The following PRKCB variants were observed in gnomAD, a reference collection of about 807,000 sequenced individuals.
The protein encoded by PRKCB is protein kinase C beta.
In PRKCB, 13 loss-of-function variants were observed where a neutral mutation model predicts 81.5. The observed-to-expected ratio is 0.16, with a 90% CI of 0.10 to 0.25. PRKCB has a LOEUF of 0.25. Among genes scored for constraint, PRKCB ranks in the 10% least tolerant of loss-of-function variants. The pLI is 1.00. For synonymous variants in PRKCB, 335 were observed against 321.4 expected, an observed-to-expected ratio of 1.04 and a Z score of -0.45; for missense variants, 509 against 875.7, an observed-to-expected ratio of 0.58 and a Z score of 5.29.
At chr16:24,174,458 T>C in intron 11 of PRKCB, 60 bp from the exon 12 acceptor site, 2 of 1,466,290 alleles carry the variant, frequency 1.4e-6, no homozygotes, top group Non-Finnish European at 1.9e-6. Flanking sequence ...ATTCTGAGCA[T>C]TGCCAAGCAT....
chr16:24,047,135 G>A (rs568475966), intron 5 of PRKCB, among the ~76,000 whole-genome samples: 3 of 151,936 alleles, frequency 2.0e-5, no homozygotes, highest in Admixed American at 6.6e-5. Context: ...TCAGGCGTTC[G>A]AGACCAGCCT....
chr16:24,076,250 A>T (rs1406010121), intron 5 of PRKCB, among the ~76,000 whole-genome samples: 1 of 152,192 alleles, frequency 6.6e-6, no homozygotes, highest in East Asian at 1.9e-4. Context: ...GTTAAGCCCA[A>T]TTGGGATTTG....
chr16:23,928,919 A>T (rs905006891), intron 2 of PRKCB, among the ~76,000 whole-genome samples: 3 of 151,904 alleles, frequency 2.0e-5, no homozygotes, highest in Non-Finnish European at 4.4e-5. Flanking sequence ...GGGTTTTGCC[A>T]TGTTGGCCAG....
chr16:23,969,256 G>A (rs940806798), intron 2 of PRKCB, among the ~76,000 whole-genome samples: 4 of 152,186 alleles, frequency 2.6e-5, no homozygotes, highest in African/African-American at 9.7e-5. Context: ...GGAGTTTAAA[G>A]TGAATGTGTA....
chr16:23,883,764 A>G (rs1240878133), intron 2 of PRKCB, among the ~76,000 whole-genome samples: 3 of 152,168 alleles, frequency 2.0e-5, no homozygotes, highest in African/African-American at 7.2e-5. Context: ...GGCACCTGGT[A>G]CACTTTACAT....
At chr16:24,180,695 A>G in intron 12 of PRKCB, 95 bp from the exon 13 acceptor site, 1 of 1,454,878 alleles carries the variant, frequency 6.9e-7, no homozygotes, top group Non-Finnish European at 9.5e-7. Context: ...CCCACACAAC[A>G]CCTAACACAG....
At chr16:24,089,789 T>TCTCACACACACA (rs71381638) in intron 5 of PRKCB, among the ~76,000 whole-genome samples, 1 of 149,882 alleles carries the variant, frequency 6.7e-6, no homozygotes, top group African/African-American at 2.5e-5. Flanking sequence ...TCTCTCTCTC[T>TCTCACACACACA]CACACACACA....
chr16:23,847,551 A>ATCCATCCATCCAT (rs1567288458), intron 2 of PRKCB, among the ~76,000 whole-genome samples: 2 of 68,308 alleles, frequency 2.9e-5, no homozygotes, highest in South Asian at 3.7e-4. Context: ...CATCCATCCA[A>ATCCATCCATCCAT]CCATCCATCC....
At chr16:23,962,014 T>C (rs1964432124) in intron 2 of PRKCB, among the ~76,000 whole-genome samples, 1 of 152,100 alleles carries the variant, frequency 6.6e-6, no homozygotes, top group Non-Finnish European at 1.5e-5. Flanking sequence ...AGGGGATGGG[T>C]ACTGGAGAGG....
At chr16:24,105,541 C>T (rs1239165921) in intron 7 of PRKCB, among the ~76,000 whole-genome samples, 2 of 152,130 alleles carry the variant, frequency 1.3e-5, no homozygotes, top group Admixed American at 6.5e-5. Context: ...TTGCCCCTCA[C>T]CCCCTAACAG....
At chr16:23,874,048 T>C (rs556058546) in intron 2 of PRKCB, among the ~76,000 whole-genome samples, 1 of 152,292 alleles carries the variant, frequency 6.6e-6, no homozygotes, top group South Asian at 2.1e-4. Flanking sequence ...AAGGGAAAAT[T>C]GCTTGTCTAT....
chr16:23,901,143 A>C (rs1216575963), intron 2 of PRKCB, among the ~76,000 whole-genome samples: 1 of 152,148 alleles, frequency 6.6e-6, no homozygotes. Flanking sequence ...GATAGTTTGA[A>C]AAATATTAAT....
chr16:24,135,312 T>C (rs571053817), intron 9 of PRKCB, among the ~76,000 whole-genome samples: 159 of 144,276 alleles, frequency 1.1e-3, no homozygotes, highest in African/African-American at 3.9e-3. Context: ...CAGTGTCCCT[T>C]TTTTTTTTTT....
intron 3 of PRKCB, among the ~76,000 whole-genome samples, chr16:23,990,054 G>T (rs1964860903): frequency 6.6e-6 from 1 of 152,194 alleles, no homozygotes; most frequent in Non-Finnish European, 1.5e-5. Context: ...CCGACATCCT[G>T]AGCATGGCAG....
chr16:23,869,759 C>T (rs55881781), intron 2 of PRKCB, among the ~76,000 whole-genome samples: 60,030 of 152,090 alleles, frequency 0.39, 12,186 homozygotes, highest in South Asian at 0.58. Context: ...CAGTGGCTCA[C>T]GCCTGTAATC....
At chr16:24,210,425 T>C (rs953584770) in intron 16 of PRKCB, among the ~76,000 whole-genome samples, 1 of 151,904 alleles carries the variant, frequency 6.6e-6, no homozygotes, top group Admixed American at 6.5e-5. Flanking sequence ...CTCACTTCAC[T>C]GAGGTCTTGC....
intron 8 of PRKCB, among the ~76,000 whole-genome samples, chr16:24,122,761 C>T (rs1173870666): frequency 3.3e-5 from 5 of 152,196 alleles, no homozygotes; most frequent in Non-Finnish European, 5.9e-5. Flanking sequence ...TGCCCAGCCA[C>T]ACATGAGCTT....
chr16:24,125,683 C>T (rs1281193249), intron 9 of PRKCB, among the ~76,000 whole-genome samples: 4 of 152,196 alleles, frequency 2.6e-5, no homozygotes, highest in Non-Finnish European at 4.4e-5. Flanking sequence ...TAGGGATCTT[C>T]TCCGTCGTGG....
At chr16:23,884,545 T>C (rs958617614) in intron 2 of PRKCB, among the ~76,000 whole-genome samples, 2 of 152,150 alleles carry the variant, frequency 1.3e-5, no homozygotes, top group African/African-American at 2.4e-5. Context: ...CCTTTTCTTT[T>C]TCTTTTTGAG....
Sources: gnomAD v4.1 joint callset for allele counts (sites outside exome capture counted in the v4.1 genomes callset) on GRCh38, gnomAD v4.1.1 for gene constraint, MANE v1.5 for transcripts, NCBI Gene and HGNC (gene_info 2026-07-23, HGNC 2026-07-21) for gene names.